Variants in NKAIN2 observed in about 807,000 individuals in gnomAD.
The protein encoded by NKAIN2 is sodium/potassium transporting ATPase interacting 2, also known as sodium/potassium-transporting ATPase subunit beta-1-interacting protein 2.
In NKAIN2, 14 loss-of-function variants were observed where a neutral mutation model predicts 32.6. The observed-to-expected ratio is 0.43, with a 90% CI of 0.28 to 0.67. NKAIN2 has a LOEUF of 0.67. NKAIN2 is among the 30% of genes least tolerant of loss of function. The probability of loss-of-function intolerance (pLI) is 0.17; values close to 1 mark genes in which losing one functional copy is unlikely to be tolerated. For synonymous variants in NKAIN2, 80 were observed against 87.2 expected, an observed-to-expected ratio of 0.92 and a Z score of 0.46; for missense variants, 198 against 258.3, an observed-to-expected ratio of 0.77 and a Z score of 1.60.
At chr6:124,756,956 C>G (rs985342635) in intron 4 of NKAIN2, among the ~76,000 whole-genome samples, 2 of 151,936 alleles carry the variant, frequency 1.3e-5, no homozygotes, top group African/African-American at 4.8e-5. Context: ...TCTTTTTTTA[C>G]AGGTTTTCCA....
chr6:123,994,411 C>T (rs181968444), intron 1 of NKAIN2, among the ~76,000 whole-genome samples: 39 of 152,050 alleles, frequency 2.6e-4, no homozygotes, highest in Non-Finnish European at 4.0e-4. Flanking sequence ...ATTTCTGTGC[C>T]CTTTCCAGCC....
At chr6:123,955,981 T>C (rs146624715) in intron 1 of NKAIN2, among the ~76,000 whole-genome samples, 26 of 152,250 alleles carry the variant, frequency 1.7e-4, no homozygotes, top group Middle Eastern at 6.8e-3. Context: ...CTTTATGTAA[T>C]TACGTGTAAA....
intron 3 of NKAIN2, among the ~76,000 whole-genome samples, chr6:124,520,530 T>A (rs1779082257): frequency 6.6e-6 from 1 of 152,176 alleles, no homozygotes; most frequent in Admixed American, 6.5e-5. Flanking sequence ...AACGACTAGT[T>A]TCACGGTCAT....
intron 1 of NKAIN2, among the ~76,000 whole-genome samples, chr6:124,001,290 A>C (rs1000335446): frequency 6.6e-6 from 1 of 152,168 alleles, no homozygotes; most frequent in East Asian, 1.9e-4. Context: ...GAAAACTGTG[A>C]TAACTTGCTA....
chr6:124,561,135 A>T (rs528215), intron 3 of NKAIN2, among the ~76,000 whole-genome samples: 1 of 152,116 alleles, frequency 6.6e-6, no homozygotes, highest in East Asian at 1.9e-4. Context: ...ATGATTACTG[A>T]GGGGAAAAGT....
intron 4 of NKAIN2, among the ~76,000 whole-genome samples, chr6:124,765,467 AG>A (rs1333609872): frequency 6.6e-6 from 1 of 152,226 alleles, no homozygotes; most frequent in East Asian, 1.9e-4. Flanking sequence ...CTGTCCTGAA[AG>A]ATGCCTGTGT....
intron 4 of NKAIN2, among the ~76,000 whole-genome samples, chr6:124,712,639 G>A (rs956062434): frequency 1.2e-4 from 18 of 151,110 alleles, no homozygotes; most frequent in East Asian, 1.2e-3. Context: ...GACCCCTTGC[G>A]CTTCCCAAGT....
In NKAIN2 at chr6:123,841,147, G is replaced by A. The variant is rs533729533; in HGVS notation, c.54+36893G>A. Among the ~76,000 whole-genome samples the A allele has an allele frequency of 3.9e-5, 6 of 152,208 alleles. No individual in the cohort carries two copies. The East Asian group carries it at 1.2e-3, about 29-fold the overall frequency. On this transcript the variant is annotated intron_variant, in intron 1 of 6. Coordinates refer to ENST00000368417, the MANE Select transcript of NKAIN2 (RefSeq NM_001040214.3). ...TAGTCTAGAAAGTGTGAATAGGGCG[G>A]TATATGTACACAAATAGAAGAAGAA...
intron 3 of NKAIN2, among the ~76,000 whole-genome samples, chr6:124,630,744 A>ATGAT (rs141240887): frequency 0.016 from 2,454 of 152,222 alleles, 33 homozygotes; most frequent in African/African-American, 0.034. Context: ...TTTATGGAAA[A>ATGAT]TGATTAACAT....
intron 3 of NKAIN2, among the ~76,000 whole-genome samples, chr6:124,591,227 TA>T (rs1380809414): frequency 6.6e-6 from 1 of 152,228 alleles, no homozygotes; most frequent in Non-Finnish European, 1.5e-5. Flanking sequence ...AAAGTCTGTT[TA>T]AAAGTCAACT....
chr6:124,093,029 C>T (rs1358959841), intron 1 of NKAIN2, among the ~76,000 whole-genome samples: 7 of 152,034 alleles, frequency 4.6e-5, no homozygotes, highest in Admixed American at 3.3e-4. Flanking sequence ...TAAAGTCTTA[C>T]AGTCCCTAAT....
intron 3 of NKAIN2, among the ~76,000 whole-genome samples, chr6:124,591,094 A>G (rs73573309): frequency 0.014 from 2,198 of 152,336 alleles, 48 homozygotes; most frequent in African/African-American, 0.049. Flanking sequence ...TCATGAACAC[A>G]TATGCCAACT....
At chr6:124,178,295 T>A (rs1789263148) in intron 1 of NKAIN2, among the ~76,000 whole-genome samples, 1 of 109,232 alleles carries the variant, frequency 9.2e-6, no homozygotes, top group South Asian at 4.0e-4. Flanking sequence ...TAGACGTACA[T>A]TAACTTTTTT....
intron 3 of NKAIN2, among the ~76,000 whole-genome samples, chr6:124,635,782 G>C (rs1783751270): frequency 6.6e-6 from 1 of 151,946 alleles, no homozygotes; most frequent in African/African-American, 2.4e-5. Context: ...GGAGCACCCA[G>C]ATACATAAAG....
intron 1 of NKAIN2, among the ~76,000 whole-genome samples, chr6:124,258,981 T>C (rs1794090025): frequency 6.6e-6 from 1 of 152,210 alleles, no homozygotes; most frequent in Non-Finnish European, 1.5e-5. Context: ...CATAAAGTGC[T>C]TTGTAAATCC....
At chr6:124,358,136 T>C (rs1337662195) in intron 3 of NKAIN2, among the ~76,000 whole-genome samples, 1 of 152,344 alleles carries the variant, frequency 6.6e-6, no homozygotes, top group East Asian at 1.9e-4. Flanking sequence ...TAGTATTCCA[T>C]GATGTATATG....
intron 4 of NKAIN2, among the ~76,000 whole-genome samples, chr6:124,685,192 C>T (rs1378636453): frequency 6.6e-6 from 1 of 152,090 alleles, no homozygotes; most frequent in Non-Finnish European, 1.5e-5. Context: ...ATATGATACA[C>T]AAGTGGCTTG....
intron 3 of NKAIN2, among the ~76,000 whole-genome samples, chr6:124,376,518 G>T (rs1229738745): frequency 6.6e-6 from 1 of 152,056 alleles, no homozygotes; most frequent in African/African-American, 2.4e-5. Context: ...TTGAGTGTAT[G>T]CAATATGTAT....
At chr6:124,082,004 A>G (rs1015847779) in intron 1 of NKAIN2, among the ~76,000 whole-genome samples, 1 of 152,102 alleles carries the variant, frequency 6.6e-6, no homozygotes, top group African/African-American at 2.4e-5. Context: ...CCCTTAAGGT[A>G]GAGAGAGAAA....
Sources: allele counts gnomAD v4.1 joint callset (sites outside exome capture counted in the v4.1 genomes callset), GRCh38; gene constraint gnomAD v4.1.1; transcripts MANE v1.5; gene names NCBI Gene and HGNC (gene_info 2026-07-23, HGNC 2026-07-21).